MAN2B2: variants seen among roughly 807,000 people sequenced by gnomAD.
MAN2B2 encodes mannosidase alpha class 2B member 2.
MAN2B2 carries 106 observed loss-of-function variants against 117.1 expected under a neutral mutation model. That is an observed-to-expected ratio of 0.90 (90% CI 0.77 to 1.06). MAN2B2 has a LOEUF of 1.06. MAN2B2 is among the 50% of genes least tolerant of loss of function. The pLI is 0.00. For missense variants in MAN2B2, 1,326 were observed against 1,381.4 expected (o/e 0.96, Z 0.64); for synonymous variants, 544 against 595.1 (o/e 0.91, Z 1.25).
intron 18 of MAN2B2, chr4:6,620,698 A>C: frequency 1.2e-5 from 2 of 160,838 alleles, no homozygotes; most frequent in East Asian, 1.9e-4. Context: ...GAGGGAGGGA[A>C]GATGATGTTG....
At chr4:6,617,265 CGAG>C in intron 16 of MAN2B2, 112 bp from the exon 17 acceptor site, 1 of 734,670 alleles carries the variant, frequency 1.4e-6, no homozygotes, top group Non-Finnish European at 2.3e-6. Context: ...CAAACCATAT[CGAG>C]GAGGTTACAG....
chr4:6,582,868 G>A (rs1269294938), intron 3 of MAN2B2, among the ~76,000 whole-genome samples: 1 of 148,148 alleles, frequency 6.8e-6, no homozygotes, highest in Non-Finnish European at 1.5e-5. Flanking sequence ...TGCCCTGCAT[G>A]TGCTAGTGAG....
intron 17 of MAN2B2, chr4:6,619,634 G>A (rs893574428): frequency 9.9e-5 from 33 of 331,866 alleles, no homozygotes; most frequent in African/African-American, 4.9e-4. Flanking sequence ...AGAACTCCGC[G>A]GTGGGGTGGG....
At chr4:6,598,108 A>G in intron 8 of MAN2B2, 90 bp from the exon 9 acceptor site, 1 of 1,440,848 alleles carries the variant, frequency 6.9e-7, no homozygotes. Flanking sequence ...GCAAGCCAGA[A>G]TGAGAGCCAG....
chr4:6,604,427 G>A (rs1727451914), intron 10 of MAN2B2, among the ~76,000 whole-genome samples: 1 of 151,550 alleles, frequency 6.6e-6, no homozygotes, highest in South Asian at 2.1e-4. Flanking sequence ...AAGGCGGTGG[G>A]GGGCCTTGGT....
At position 6,598,370 on chromosome 4, in the gene MAN2B2, C is replaced by G. The variant is rs1359900540; in HGVS notation, c.1405+16C>G. 2 of 1,605,232 alleles carry G rather than the reference C, an allele frequency of 1.2e-6. No individual in the cohort carries two copies. The highest frequency in any genetic ancestry group is 2.2e-5 in the East Asian group (1 of 44,628). The stretch of plus-strand genomic sequence containing the variant: ...GCCAGCTCCGGTGAGCAGGGCCCTG[C>G]AGGGAGGCTGTGGCCCCTTTATGAA... On this transcript the variant is annotated intron_variant, in intron 9 of 18. Transcript: ENST00000285599.
In MAN2B2 at chr4:6,600,768, A is replaced by G; in HGVS notation, c.1539+12A>G. ...CAGTGCCCTCGCAGGTATGGACACAAAATCCTGCTGGAGGGGCCTTAGCTG... is the reference window on the plus strand; with the variant it reads ...CAGTGCCCTCGCAGGTATGGACACAGAATCCTGCTGGAGGGGCCTTAGCTG... On this transcript the variant is annotated intron_variant, in intron 10 of 18. Coordinates refer to ENST00000285599, the MANE Select transcript of MAN2B2 (RefSeq NM_015274.3). The G allele has an allele frequency of 6.2e-7, 1 of 1,612,912 alleles. No homozygotes were observed. The highest frequency in any genetic ancestry group is 8.5e-7 in the Non-Finnish European group (1 of 1,179,966).
In MAN2B2 at chr4:6,584,992, C is replaced by T. The variant is rs375513304; in HGVS notation, c.392-2004C>T. ...CCAGAGCTCCTGGCTCCTCTCAGTG[C>T]GGTGCTGTTGCCCACTCCCTCCTTC... On this transcript the variant is annotated intron_variant, in intron 3 of 18. Transcript: ENST00000285599. 1.1e-4 allele frequency among the ~76,000 whole-genome samples: 16 copies of T among 152,136 alleles called. No individual in the cohort carries two copies. In the South Asian group the frequency reaches 1.2e-3, roughly 12 times the overall value.
At chr4:6,594,866 G>A in intron 7 of MAN2B2, 134 bp downstream of exon 7, 2 of 902,690 alleles carry the variant, frequency 2.2e-6, no homozygotes, top group Non-Finnish European at 3.4e-6. Context: ...TTCTGTGTGG[G>A]GCGCAGGGGC....
At chr4:6,615,767 T>C (rs1711834843) in intron 16 of MAN2B2, among the ~76,000 whole-genome samples, 1 of 151,412 alleles carries the variant, frequency 6.6e-6, no homozygotes, top group South Asian at 2.1e-4. Flanking sequence ...GCTACAGCAC[T>C]CCAGCCTGGG....
chr4:6,600,045 G>T (rs892933461), intron 9 of MAN2B2, among the ~76,000 whole-genome samples: 1 of 152,242 alleles, frequency 6.6e-6, no homozygotes, highest in South Asian at 2.1e-4. Context: ...CAGAGGCAGG[G>T]AGGCTGGAAG....
intron 16 of MAN2B2, among the ~76,000 whole-genome samples, chr4:6,614,631 A>C (rs868196217): frequency 1.5e-4 from 23 of 152,286 alleles, no homozygotes; most frequent in African/African-American, 4.8e-4. Flanking sequence ...GCTGAGACTA[A>C]GGAACTAGTT....
intron 6 of MAN2B2, 131 bp downstream of exon 6, chr4:6,593,481 C>T: frequency 1.1e-6 from 1 of 901,864 alleles, no homozygotes; most frequent in South Asian, 2.0e-5. Flanking sequence ...TGGCTCCATC[C>T]TCCTTCCCTG....
rs1048398704 is a variant in MAN2B2 at position 6,597,842 on chromosome 4, G to A, written c.1249-356G>A. 4.6e-5 allele frequency among the ~76,000 whole-genome samples: 7 copies of A among 152,196 alleles called. No homozygotes were observed. The South Asian group carries it at 1.4e-3, about 31-fold the overall frequency. ...CAAGACAGCCTGTAACTTGTCCTCA[G>A]TCACCTATCCAAAAAAGGGTCACAC... On this transcript the variant is annotated intron_variant, in intron 8 of 18. Transcript: ENST00000285599.
intron 3 of MAN2B2, among the ~76,000 whole-genome samples, chr4:6,583,003 T>C (rs1044822748): frequency 6.6e-6 from 1 of 152,214 alleles, no homozygotes; most frequent in Admixed American, 6.5e-5. Context: ...TGCAGGCCAC[T>C]CTGGTGATTG....
At chr4:6,579,124 TACCACCACCACCACCA>T (rs1703625856) in intron 3 of MAN2B2, among the ~76,000 whole-genome samples, 2 of 20,594 alleles carry the variant, frequency 9.7e-5, no homozygotes, top group African/African-American at 1.9e-4. Flanking sequence ...CCATCACCAC[TACCACCACCACCACCA>T]TCACCACCAC....
intron 9 of MAN2B2, 141 bp from the exon 10 acceptor site, chr4:6,600,482 C>T (rs2108747827): frequency 1.0e-6 from 1 of 957,904 alleles, no homozygotes; most frequent in Non-Finnish European, 1.6e-6. Flanking sequence ...GTTGGCCTGC[C>T]CCCTTCCTGG....
At chr4:6,612,455 C>A (rs1711616687) in intron 15 of MAN2B2, among the ~76,000 whole-genome samples, 1 of 152,192 alleles carries the variant, frequency 6.6e-6, no homozygotes, top group South Asian at 2.1e-4. Context: ...CCTGAAGGGG[C>A]AGCTATTTGG....
rs899684925 is a variant in MAN2B2, at chr4:6,605,113, C to T, written c.1598C>T (p.Pro533Leu). Residue 533 changes from proline to leucine, a missense_variant, in exon 11 of 19, where the codon CCA becomes CTA. Coordinates refer to ENST00000285599, the MANE Select transcript of MAN2B2 (RefSeq NM_015274.3). ...AYDLLILTTI[P>L]GLSYRHYNIR... The stretch of plus-strand genomic sequence containing the variant: ...GACCTGCTTATTCTGACCACAATCC[C>T]AGGCCTCAGTTACCGGCACTACAAC... 7 of 1,613,966 alleles carry T rather than the reference C, an allele frequency of 4.3e-6. No individual in the cohort carries two copies. In the African/African-American group the frequency reaches 6.7e-5, roughly 15 times the overall value.
Sources: allele counts gnomAD v4.1 joint callset (sites outside exome capture counted in the v4.1 genomes callset), GRCh38; gene constraint gnomAD v4.1.1; transcripts MANE v1.5; gene names NCBI Gene and HGNC (gene_info 2026-07-23, HGNC 2026-07-21).